CDK14: variants seen among roughly 807,000 people sequenced by gnomAD.
The protein encoded by CDK14 is cyclin dependent kinase 14, also known as cyclin-dependent kinase 14.
CDK14 carries 34 observed loss-of-function variants against 60.7 expected under a neutral mutation model. The ratio of observed to expected loss-of-function variants is 0.56; its 90% CI spans 0.43 to 0.75. The LOEUF is 0.75. CDK14 is among the 30% of genes least tolerant of loss of function. The pLI is 0.00. For missense variants in CDK14, 482 were observed against 564.1 expected, an observed-to-expected ratio of 0.85 and a Z score of 1.47; for synonymous variants, 197 against 203.7, an observed-to-expected ratio of 0.97 and a Z score of 0.28.
At chr7:90,829,133 G>C (rs1339672723) in intron 5 of CDK14, among the ~76,000 whole-genome samples, 1 of 152,072 alleles carries the variant, frequency 6.6e-6, no homozygotes, top group Non-Finnish European at 1.5e-5. Flanking sequence ...ACAGCATGAG[G>C]GAAACTACCC....
At chr7:91,043,911 A>T (rs999503054) in intron 10 of CDK14, among the ~76,000 whole-genome samples, 1 of 152,216 alleles carries the variant, frequency 6.6e-6, no homozygotes, top group Non-Finnish European at 1.5e-5. Flanking sequence ...CATCACTGCC[A>T]TGTCACCCAC....
intron 10 of CDK14, among the ~76,000 whole-genome samples, chr7:91,008,221 C>T (rs935459388): frequency 6.6e-6 from 1 of 150,624 alleles, no homozygotes; most frequent in Non-Finnish European, 1.5e-5. Context: ...TTGTCTGACA[C>T]TTCACAAAGC....
intron 13 of CDK14, among the ~76,000 whole-genome samples, chr7:91,117,706 A>G (rs939612515): frequency 5.3e-5 from 8 of 152,234 alleles, no homozygotes; most frequent in Non-Finnish European, 5.9e-5. Flanking sequence ...TATTTAGTAC[A>G]GGATTCTGAA....
At position 91,060,267 on chromosome 7, in the gene CDK14, A is replaced by G. The variant is rs191982832; in HGVS notation, c.1105+14307A>G. ...CCATTTGCTTGGTAGATCTTCCTCT[A>G]TCCCTTTATTTTGAGCCTATGTGTG... On this transcript the variant is annotated intron_variant, in intron 11 of 14. Coordinates refer to ENST00000380050, the MANE Select transcript of CDK14 (RefSeq NM_001287135.2). 1.0e-3 allele frequency among the ~76,000 whole-genome samples: 148 copies of G among 144,538 alleles called. 1 individual carries two copies. The highest frequency in any genetic ancestry group is 3.5e-3 in the African/African-American group (136 of 38,592). The allele number at this position is 144,538 out of a possible 152,430, so 94.8% of individuals were successfully genotyped here. A position where few individuals can be genotyped will look rare whatever the true frequency, so the allele number is the denominator to read the frequency against.
intron 10 of CDK14, among the ~76,000 whole-genome samples, chr7:91,000,691 T>C (rs1795813472): frequency 6.6e-6 from 1 of 152,134 alleles, no homozygotes; most frequent in African/African-American, 2.4e-5. Flanking sequence ...AAGACAAAGA[T>C]GAGAATTTGT....
intron 9 of CDK14, among the ~76,000 whole-genome samples, chr7:90,979,085 G>A (rs956623210): frequency 5.3e-5 from 8 of 152,092 alleles, no homozygotes; most frequent in East Asian, 1.9e-4. Flanking sequence ...TTGTCATTTC[G>A]ATGAGAAAGC....
intron 2 of CDK14, among the ~76,000 whole-genome samples, chr7:90,683,930 GTGTA>G (rs1482992763): frequency 4.3e-4 from 63 of 148,152 alleles, no homozygotes; most frequent in African/African-American, 1.3e-3. Context: ...GTGTGTGTGT[GTGTA>G]TGCATTCATA....
chr7:91,189,516 A>T (rs1802292546), intron 14 of CDK14, among the ~76,000 whole-genome samples: 1 of 152,220 alleles, frequency 6.6e-6, no homozygotes, highest in Non-Finnish European at 1.5e-5. Flanking sequence ...AAAATTTCAA[A>T]GAATGTTATT....
chr7:91,153,273 G>A (rs781574825), intron 14 of CDK14, among the ~76,000 whole-genome samples: 2 of 152,160 alleles, frequency 1.3e-5, no homozygotes, highest in Non-Finnish European at 2.9e-5. Context: ...AAGAAGGAAT[G>A]CTTGTACAGT....
chr7:91,089,834 C>G, intron 12 of CDK14, among the ~76,000 whole-genome samples: 1 of 152,142 alleles, frequency 6.6e-6, no homozygotes, highest in East Asian at 1.9e-4. Flanking sequence ...CTAAGCACAT[C>G]ATTATATTTA....
intron 2 of CDK14, among the ~76,000 whole-genome samples, chr7:90,720,727 A>G (rs568035862): frequency 2.0e-5 from 3 of 152,042 alleles, no homozygotes; most frequent in Non-Finnish European, 4.4e-5. Context: ...TCTTTTTTAT[A>G]CCTTTCTAGG....
intron 8 of CDK14, among the ~76,000 whole-genome samples, chr7:90,947,350 C>A (rs968563217): frequency 1.3e-5 from 2 of 152,212 alleles, no homozygotes; most frequent in African/African-American, 2.4e-5. Flanking sequence ...GCCAGGCAAC[C>A]TGTTCCCAAG....
intron 2 of CDK14, among the ~76,000 whole-genome samples, chr7:90,609,199 AT>A (rs1799485131): frequency 6.6e-6 from 1 of 151,842 alleles, no homozygotes; most frequent in Non-Finnish European, 1.5e-5. Context: ...TAATTTTTGT[AT>A]TTTTTGTAGA....
At chr7:91,102,026 G>C (rs991948192) in intron 12 of CDK14, among the ~76,000 whole-genome samples, 1 of 152,182 alleles carries the variant, frequency 6.6e-6, no homozygotes, top group Non-Finnish European at 1.5e-5. Flanking sequence ...AAGGAAAACA[G>C]ACAGACTTGT....
chr7:90,702,005 A>G (rs1801796456), intron 2 of CDK14, among the ~76,000 whole-genome samples: 1 of 152,114 alleles, frequency 6.6e-6, no homozygotes, highest in Non-Finnish European at 1.5e-5. Flanking sequence ...GAGGGGCGCA[A>G]CTGAGCTCTG....
At chr7:91,170,769 C>CTT (rs1327491575) in intron 14 of CDK14, among the ~76,000 whole-genome samples, 96 of 123,982 alleles carry the variant, frequency 7.7e-4, no homozygotes, top group African/African-American at 1.5e-3. Flanking sequence ...TTTTTTTTTT[C>CTT]TTTTTTTTTT....
intron 11 of CDK14, among the ~76,000 whole-genome samples, chr7:91,059,139 G>A (rs1797692086): frequency 6.6e-6 from 1 of 152,202 alleles, no homozygotes; most frequent in Non-Finnish European, 1.5e-5. Context: ...TTGGGAGGGT[G>A]TGTGTGTCTA....
At chr7:91,071,041 G>A (rs1360596378) in intron 11 of CDK14, among the ~76,000 whole-genome samples, 1 of 152,104 alleles carries the variant, frequency 6.6e-6, no homozygotes, top group Non-Finnish European at 1.5e-5. Context: ...TGGCATAATT[G>A]TCTGTCCTCC....
intron 2 of CDK14, among the ~76,000 whole-genome samples, chr7:90,662,651 G>A (rs1480736553): frequency 6.6e-6 from 1 of 152,228 alleles, no homozygotes; most frequent in South Asian, 2.1e-4. Flanking sequence ...GTTCACACTT[G>A]TAAAGTACTT....
Sources: gnomAD v4.1 joint callset for allele counts (sites outside exome capture counted in the v4.1 genomes callset) on GRCh38, gnomAD v4.1.1 for gene constraint, MANE v1.5 for transcripts, NCBI Gene and HGNC (gene_info 2026-07-23, HGNC 2026-07-21) for gene names.